Variants in USP32 observed in about 807,000 individuals in gnomAD.
USP32 encodes the protein ubiquitin carboxyl-terminal hydrolase 32.
In USP32, 59 loss-of-function variants were observed where a neutral mutation model predicts 204.8. That is an observed-to-expected ratio of 0.29 (90% CI 0.23 to 0.36). USP32 has a LOEUF of 0.36. USP32 is among the 10% of genes least tolerant of loss of function. The probability of loss-of-function intolerance (pLI) is 1.00; values close to 1 mark genes in which losing one functional copy is unlikely to be tolerated. For missense variants in USP32, 1,160 were observed against 1,946.4 expected (o/e 0.60, Z 7.60); for synonymous variants, 517 against 678.4 (o/e 0.76, Z 3.70).
chr17:60,308,831 G>A (rs1005812372), intron 2 of USP32, among the ~76,000 whole-genome samples: 3 of 152,214 alleles, frequency 2.0e-5, no homozygotes, highest in African/African-American at 7.2e-5. Context: ...AGGAGGCTGA[G>A]ACAGGAGAAT....
chr17:60,357,315 T>C (rs1361962369), intron 1 of USP32, among the ~76,000 whole-genome samples: 1 of 151,784 alleles, frequency 6.6e-6, no homozygotes, highest in African/African-American at 2.4e-5. Context: ...TAGGCAGGCA[T>C]GGTGATACAC....
chr17:60,330,452 TCTTC>T (rs758797697), intron 2 of USP32, among the ~76,000 whole-genome samples: 33 of 151,912 alleles, frequency 2.2e-4, no homozygotes, highest in Admixed American at 1.6e-3. Flanking sequence ...TCTTTTCTTT[TCTTC>T]CTTCCTTCCT....
chr17:60,252,526 A>T (rs1028847669), intron 10 of USP32, 84 bp from the exon 11 acceptor site: 6 of 1,024,028 alleles, frequency 5.9e-6, no homozygotes, highest in Non-Finnish European at 8.6e-6. Flanking sequence ...CTAAATTGGA[A>T]TCTGAATTAG....
At chr17:60,421,679 G>A in intron 1 of USP32, 1 of 866,270 alleles carries the variant, frequency 1.2e-6, no homozygotes, top group African/African-American at 1.8e-5. Flanking sequence ...AGGGGCGAGG[G>A]TCCCGGGGCC....
intron 16 of USP32, among the ~76,000 whole-genome samples, chr17:60,219,288 G>A (rs148080804): frequency 0.021 from 3,203 of 152,132 alleles, 134 homozygotes; most frequent in African/African-American, 0.073. Flanking sequence ...GTCAATGACT[G>A]GTATACTACT....
chr17:60,185,326 C>T, intron 30 of USP32, 134 bp downstream of exon 30: 1 of 1,026,474 alleles, frequency 9.7e-7, no homozygotes. Flanking sequence ...ACATAAAAAG[C>T]TTGTACAGAA....
At chr17:60,366,408 C>T (rs368396104) in intron 1 of USP32, among the ~76,000 whole-genome samples, 43 of 152,216 alleles carry the variant, frequency 2.8e-4, no homozygotes, top group African/African-American at 1.0e-3. Flanking sequence ...CTACCTGCCT[C>T]GGCCTCCCAA....
chr17:60,269,235 T>A (rs1456878050), intron 7 of USP32, among the ~76,000 whole-genome samples: 1 of 152,130 alleles, frequency 6.6e-6, no homozygotes, highest in East Asian at 1.9e-4. Flanking sequence ...ACTCCATTGT[T>A]AATAGCAAAT....
intron 12 of USP32, among the ~76,000 whole-genome samples, chr17:60,231,273 T>C (rs562564493): frequency 9.2e-5 from 14 of 152,236 alleles, no homozygotes; most frequent in Non-Finnish European, 1.5e-4. Flanking sequence ...TTAACAGTTA[T>C]GTCAATTTCA....
At chr17:60,208,871 G>A in intron 22 of USP32, 43 bp from the exon 23 acceptor site, 3 of 1,504,790 alleles carry the variant, frequency 2.0e-6, no homozygotes, top group African/African-American at 1.4e-5. Context: ...AAATCCAAAA[G>A]AGAAGCATTT....
intron 2 of USP32, among the ~76,000 whole-genome samples, chr17:60,341,487 A>C (rs971976260): frequency 2.0e-5 from 3 of 152,056 alleles, no homozygotes; most frequent in African/African-American, 7.2e-5. Context: ...GGAATGTTGA[A>C]TATTGGCCCC....
chr17:60,380,210 A>C (rs2089622711), intron 1 of USP32, among the ~76,000 whole-genome samples: 1 of 152,172 alleles, frequency 6.6e-6, no homozygotes, highest in Admixed American at 6.6e-5. Flanking sequence ...AGAATAGATA[A>C]AAGCAGTCTA....
intron 1 of USP32, among the ~76,000 whole-genome samples, chr17:60,374,223 C>T (rs1485975991): frequency 1.3e-5 from 2 of 151,878 alleles, no homozygotes; most frequent in Non-Finnish European, 2.9e-5. Context: ...ACACCTTAGC[C>T]TAGGCCTACA....
chr17:60,216,530 G>A (rs555247209), intron 16 of USP32, among the ~76,000 whole-genome samples: 2 of 152,342 alleles, frequency 1.3e-5, no homozygotes, highest in East Asian at 3.9e-4. Flanking sequence ...AAATAAAGCT[G>A]AGAAAATATG....
intron 12 of USP32, among the ~76,000 whole-genome samples, chr17:60,230,281 C>T (rs2085511745): frequency 6.6e-6 from 1 of 152,152 alleles, no homozygotes; most frequent in Non-Finnish European, 1.5e-5. Context: ...GAAAGTCTTA[C>T]ATGGTGCCTA....
At chr17:60,180,935 T>A (rs2084095185) in intron 32 of USP32, among the ~76,000 whole-genome samples, 2 of 151,884 alleles carry the variant, frequency 1.3e-5, no homozygotes, top group Non-Finnish European at 2.9e-5. Flanking sequence ...CAGGCTGGGG[T>A]GCAGTCGAGT....
chr17:60,304,392 G>T (rs1483081030), intron 2 of USP32, among the ~76,000 whole-genome samples: 1 of 150,352 alleles, frequency 6.7e-6, no homozygotes, highest in Admixed American at 6.6e-5. Context: ...CAAAAACAGA[G>T]AAGTCATTAC....
In USP32 at chr17:60,265,966, C is replaced by T. The variant is rs1457094747; in HGVS notation, c.927+10G>A. ...TTATACGCAACAAGACATACACAAT[C>T]ATAACTTACAGGAATATCATCAGTG... On this transcript the variant is annotated intron_variant, in intron 8 of 33. Coordinates refer to ENST00000300896, the MANE Select transcript of USP32 (RefSeq NM_032582.4). 11 of 1,603,392 alleles carry T rather than the reference C, an allele frequency of 6.9e-6. No homozygotes were observed. The highest frequency in any genetic ancestry group is 9.4e-6 in the Non-Finnish European group (11 of 1,171,326).
rs1175116559 is a variant in USP32 at position 60,192,753 on chromosome 17, A to T, written c.3521+91T>A. 8.2e-6 allele frequency: 12 copies of T among 1,470,358 alleles called. No individual in the cohort carries two copies. The East Asian group carries it at 2.6e-4, about 31-fold the overall frequency. The allele number at this position is 1,470,358 out of a possible 1,614,324, so 91.1% of individuals were successfully genotyped here. A position where few individuals can be genotyped will look rare whatever the true frequency, so the allele number is the denominator to read the frequency against. ...ATTCTTAAGTTTCTCATTATTCACT[A>T]TTTACTTCTCAAAACTGGAAATCTT... On this transcript the variant is annotated intron_variant, in intron 28 of 33. Transcript: ENST00000300896.
Sources: allele counts gnomAD v4.1 joint callset (sites outside exome capture counted in the v4.1 genomes callset), GRCh38; gene constraint gnomAD v4.1.1; transcripts MANE v1.5; gene names NCBI Gene and HGNC (gene_info 2026-07-23, HGNC 2026-07-21).